B9D1: variants seen among roughly 807,000 people sequenced by gnomAD.
B9D1 encodes B9 domain containing 1, also known as B9 domain-containing protein 1.
Under a neutral mutation model 26.1 loss-of-function variants are expected in B9D1, and 20 were observed. That is an observed-to-expected ratio of 0.77 (90% CI 0.54 to 1.12). The LOEUF (loss-of-function observed/expected upper bound fraction) is 1.12. Ranked by LOEUF, B9D1 falls within the 50% of genes most tolerant of loss-of-function variation. The pLI, the probability that B9D1 is intolerant of heterozygous loss-of-function variation, is 0.00. For synonymous variants in B9D1, 105 were observed against 103.1 expected (o/e 1.02, Z -0.11); for missense variants, 260 against 273.7 (o/e 0.95, Z 0.35).
At chr17:19,335,686 G>C, downstream of B9D1, 1 of 399,316 alleles carries the variant, frequency 2.5e-6, no homozygotes, top group Non-Finnish European at 4.4e-6. Context: ...TTATTTTTAA[G>C]TTGGAGACCT....
At chr17:19,367,116 A>G (rs1358252882), upstream of B9D1, among the ~76,000 whole-genome samples, 1 of 152,050 alleles carries the variant, frequency 6.6e-6, no homozygotes, top group Non-Finnish European at 1.5e-5. Context: ...AGGACAATTG[A>G]TCAGCATTGC....
intron 1 of B9D1, 144 bp downstream of exon 1, chr17:19,362,363 A>G: frequency 1.6e-6 from 1 of 624,932 alleles, no homozygotes; most frequent in East Asian, 2.9e-5. Flanking sequence ...AAGCTCTCCA[A>G]TGCTGGCTCC....
chr17:19,366,823 C>T (rs75009149), upstream of B9D1, among the ~76,000 whole-genome samples: 991 of 152,228 alleles, frequency 6.5e-3, 54 homozygotes, highest in East Asian at 0.12. Context: ...CTGTCCCTGA[C>T]GATTCCTTGG....
At chr17:19,362,436 C>G in intron 1 of B9D1, 71 bp downstream of exon 1, 1 of 1,229,884 alleles carries the variant, frequency 8.1e-7, no homozygotes, top group East Asian at 2.6e-5. Flanking sequence ...CACAGGGCAG[C>G]CCGGGGGGTT....
chr17:19,336,888 G>A (rs1907494930), downstream of B9D1, among the ~76,000 whole-genome samples: 1 of 152,178 alleles, frequency 6.6e-6, no homozygotes, highest in African/African-American at 2.4e-5. Flanking sequence ...TGAACCTCAG[G>A]GAAAGGGGGT....
At chr17:19,335,562 G>T (rs1163743678), downstream of B9D1, 6 of 1,332,158 alleles carry the variant, frequency 4.5e-6, no homozygotes, top group Admixed American at 2.3e-5. Context: ...GGCGTGGGGT[G>T]GGGGGTGCTT....
chr17:19,338,682 G>A (rs1003105401), downstream of B9D1, among the ~76,000 whole-genome samples: 1 of 152,166 alleles, frequency 6.6e-6, no homozygotes, highest in Non-Finnish European at 1.5e-5. Context: ...CAGCCCACAT[G>A]TCGTACTATG....
chr17:19,362,835 G>C (rs1911323197), upstream of B9D1: 1 of 929,864 alleles, frequency 1.1e-6, no homozygotes, highest in East Asian at 3.2e-5. Flanking sequence ...TGGGGCGGGA[G>C]CGTTGACCTG....
chr17:19,357,370 T>C (rs571812025), intron 3 of B9D1, among the ~76,000 whole-genome samples: 1 of 152,312 alleles, frequency 6.6e-6, no homozygotes, highest in Admixed American at 6.5e-5. Context: ...GGAAAGAGGT[T>C]AGACATAGGA....
chr17:19,355,119 T>C (rs1910154786), intron 3 of B9D1, among the ~76,000 whole-genome samples: 1 of 152,246 alleles, frequency 6.6e-6, no homozygotes. Flanking sequence ...TGGGTTTCAC[T>C]GTAGATATTT....
downstream of B9D1, among the ~76,000 whole-genome samples, chr17:19,339,872 C>G (rs1207780108): frequency 2.6e-5 from 4 of 152,168 alleles, no homozygotes; most frequent in Non-Finnish European, 4.4e-5. Flanking sequence ...CACCTTGATA[C>G]AAGGGGCCTA....
chr17:19,353,142 A>AT (rs1309745778), intron 3 of B9D1, among the ~76,000 whole-genome samples: 6 of 129,424 alleles, frequency 4.6e-5, no homozygotes, highest in Non-Finnish European at 8.2e-5. Flanking sequence ...CACCTGGCTA[A>AT]TTTTTTGTAT....
At chr17:19,373,806 C>A (rs538419718) in intron 1 of B9D1, among the ~76,000 whole-genome samples, 1 of 152,262 alleles carries the variant, frequency 6.6e-6, no homozygotes, top group South Asian at 2.1e-4. Context: ...GGATTACAGG[C>A]GTGAGTCACC....
rs1910824901 is a variant in B9D1, at chr17:19,359,931, G to A, written c.132+389C>T. Among the ~76,000 whole-genome samples the A allele has an allele frequency of 6.6e-6, 1 of 152,192 alleles. No homozygotes were observed. ...AGCTACCCCTTGGGAAGTCCTGGAA[G>A]GAGAGCTCCTACTCTGTCTTTTTAC... On this transcript the variant is annotated intron_variant, in intron 2 of 6. Coordinates refer to ENST00000261499, the MANE Select transcript of B9D1 (RefSeq NM_015681.6). This position sits in a 1 kb window ranked among gnomAD's most constrained non-coding sequence, Gnocchi z 5.0.
chr17:19,352,905 T>C (rs1259225064), intron 3 of B9D1, among the ~76,000 whole-genome samples: 1 of 150,090 alleles, frequency 6.7e-6, no homozygotes, highest in Non-Finnish European at 1.5e-5. Flanking sequence ...TGACATCAGG[T>C]GATCCACCCG....
chr17:19,364,904 G>T (rs944306927), upstream of B9D1, among the ~76,000 whole-genome samples: 2 of 152,244 alleles, frequency 1.3e-5, no homozygotes, highest in African/African-American at 4.8e-5. This position sits in a 1 kb window ranked among gnomAD's most constrained non-coding sequence, Gnocchi z 4.3. Context: ...GAGCAGAGCA[G>T]GTGTCAGCGC....
chr17:19,345,006 G>A (rs1027019642), intron 5 of B9D1, among the ~76,000 whole-genome samples: 2 of 152,256 alleles, frequency 1.3e-5, no homozygotes, highest in African/African-American at 4.8e-5. Flanking sequence ...ACTGGGGCCT[G>A]GGAGCATCCC....
At chr17:19,342,675 G>A (rs1399661724), downstream of B9D1, among the ~76,000 whole-genome samples, 1 of 152,136 alleles carries the variant, frequency 6.6e-6, no homozygotes, top group Non-Finnish European at 1.5e-5. Flanking sequence ...CCTGCCAAGG[G>A]GCTGCCAGAA....
At position 19,372,907 on chromosome 17, in the gene B9D1, G is replaced by A. The variant is rs932054397; in HGVS notation, c.-298+4952C>T. Among the ~76,000 whole-genome samples, 3 of 152,116 alleles carry A rather than the reference G, an allele frequency of 2.0e-5. No homozygotes were observed. Among genetic ancestry groups the A allele is most frequent in the African/African-American group, 7.2e-5 (3 of 41,422 alleles). ...TTGCGGCAGAGGGGTGCGAACAGTT[G>A]GGCACATCTATTATTTCTGCTGACC... On this transcript the variant is annotated intron_variant, in intron 1 of 5. Coordinates refer to the B9D1 transcript ENST00000477478. The surrounding 1 kb of genome is among the most constrained non-coding windows in gnomAD (Gnocchi z 4.4).
Sources: allele counts gnomAD v4.1 joint callset (sites outside exome capture counted in the v4.1 genomes callset), GRCh38; gene constraint gnomAD v4.1.1; non-coding constraint Gnocchi (gnomAD v3.1); transcripts MANE v1.5; gene names NCBI Gene and HGNC (gene_info 2026-07-23, HGNC 2026-07-21).